DAB1: variants seen among roughly 807,000 people sequenced by gnomAD.
DAB1 encodes the protein disabled homolog 1.
A neutral mutation model predicts 64.6 loss-of-function variants in DAB1; 15 were observed. The observed-to-expected ratio is 0.23, with a 90% CI of 0.16 to 0.36. DAB1 has a LOEUF of 0.36. Ranked by LOEUF, DAB1 falls within the 10% of genes least tolerant of loss-of-function variation. The pLI is 1.00. For missense variants in DAB1, 596 were observed against 706.7 expected, an observed-to-expected ratio of 0.84 and a Z score of 1.78; for synonymous variants, 235 against 251.9, an observed-to-expected ratio of 0.93 and a Z score of 0.64.
intron 7 of DAB1, among the ~76,000 whole-genome samples, chr1:57,468,834 C>T (rs904316095): frequency 1.3e-5 from 2 of 152,178 alleles, no homozygotes; most frequent in African/African-American, 4.8e-5. Context: ...AATTCACTTA[C>T]TCATGCATTC....
At chr1:57,838,043 C>A (rs1250100626) in intron 1 of DAB1, among the ~76,000 whole-genome samples, 1 of 152,020 alleles carries the variant, frequency 6.6e-6, no homozygotes, top group African/African-American at 2.4e-5. Context: ...AGGCACTCTG[C>A]TAAGCCTCTC....
intron 3 of DAB1, among the ~76,000 whole-genome samples, chr1:58,411,882 A>T (rs2100572645): frequency 6.6e-6 from 1 of 152,294 alleles, no homozygotes; most frequent in South Asian, 2.1e-4. Context: ...CCACCAAGGA[A>T]CGTTTCCTAC....
intron 5 of DAB1, among the ~76,000 whole-genome samples, chr1:57,922,874 G>C (rs1178300040): frequency 2.5e-5 from 3 of 121,700 alleles, no homozygotes; most frequent in Non-Finnish European, 3.5e-5. Context: ...AAAAAGATTT[G>C]AAAAGTTTTA....
chr1:57,800,904 T>C (rs1651095047), intron 6 of DAB1, among the ~76,000 whole-genome samples: 2 of 152,192 alleles, frequency 1.3e-5, no homozygotes, highest in African/African-American at 4.8e-5. Context: ...ATTTTATGGA[T>C]TCATTCATTT....
At chr1:57,780,772 G>A (rs1438928776) in intron 6 of DAB1, among the ~76,000 whole-genome samples, 1 of 98,656 alleles carries the variant, frequency 1.0e-5, no homozygotes, top group African/African-American at 4.2e-5. Context: ...TTTTTTTTTT[G>A]AGACAGAGTC....
chr1:57,882,914 T>A (rs1644166796), intron 1 of DAB1, among the ~76,000 whole-genome samples: 1 of 152,170 alleles, frequency 6.6e-6, no homozygotes, highest in Admixed American at 6.5e-5. Flanking sequence ...CGAACCCAGT[T>A]TTTTTGTCCA....
chr1:58,167,216 G>C (rs1325697723), intron 4 of DAB1, among the ~76,000 whole-genome samples: 1 of 152,216 alleles, frequency 6.6e-6, no homozygotes, highest in Non-Finnish European at 1.5e-5. Flanking sequence ...AAACTTTTGT[G>C]TCTAGCTAAA....
chr1:57,309,522 T>A (rs1674491215), intron 1 of DAB1, among the ~76,000 whole-genome samples: 1 of 152,182 alleles, frequency 6.6e-6, no homozygotes, highest in Non-Finnish European at 1.5e-5. Context: ...TAACATAATT[T>A]ACCAAAACTC....
rs898841531 is a variant in DAB1, at chr1:57,288,934, A to C, written c.67+2030T>G. ...GAGCCTTTGAAGTCTGTAATATTAT[A>C]TACCCATTTTATAAGAGAGGAAAAT... is the stretch of plus-strand genomic sequence containing the variant. On this transcript the variant is annotated intron_variant, in intron 2 of 14. Transcript: ENST00000371236. 9.2e-5 allele frequency among the ~76,000 whole-genome samples: 14 copies of C among 152,326 alleles called. No homozygotes were observed. In the East Asian group the frequency reaches 2.7e-3, roughly 29 times the overall value.
chr1:57,584,208 C>T (rs531761229), intron 7 of DAB1, among the ~76,000 whole-genome samples: 3 of 152,292 alleles, frequency 2.0e-5, no homozygotes, highest in South Asian at 2.1e-4. Context: ...ACCTCACTTA[C>T]GATTTCTATA....
intron 1 of DAB1, among the ~76,000 whole-genome samples, chr1:57,420,704 T>C (rs568865715): frequency 6.6e-6 from 1 of 152,338 alleles, no homozygotes; most frequent in South Asian, 2.1e-4. Flanking sequence ...CCCAATCATA[T>C]GATTTTCTCC....
intron 3 of DAB1, among the ~76,000 whole-genome samples, chr1:58,442,246 C>A (rs1410540595): frequency 3.9e-5 from 6 of 152,186 alleles, no homozygotes; most frequent in Non-Finnish European, 8.8e-5. Context: ...TCAGGAAACT[C>A]AACTTGGTCA....
chr1:57,730,152 A>T (rs1461216422), intron 6 of DAB1, among the ~76,000 whole-genome samples: 1 of 152,240 alleles, frequency 6.6e-6, no homozygotes, highest in African/African-American at 2.4e-5. Context: ...TCTGAGTTTC[A>T]GACAATGCTT....
intron 1 of DAB1, among the ~76,000 whole-genome samples, chr1:57,362,675 A>G (rs562678659): frequency 7.8e-4 from 118 of 152,026 alleles, no homozygotes; most frequent in Non-Finnish European, 1.3e-3. Context: ...CTATCTTTAA[A>G]CTACACAGCA....
At chr1:57,194,610 C>G (rs72672686) in intron 2 of DAB1, among the ~76,000 whole-genome samples, 9,733 of 152,220 alleles carry the variant, frequency 0.064, 434 homozygotes, top group Non-Finnish European at 0.094. Flanking sequence ...TCCATTAACA[C>G]CTGAGGTGTA....
At chr1:57,235,810 A>T (rs966031470) in intron 2 of DAB1, among the ~76,000 whole-genome samples, 4 of 152,182 alleles carry the variant, frequency 2.6e-5, no homozygotes, top group Admixed American at 6.5e-5. Flanking sequence ...TCTCCTTAAC[A>T]TTAAACTTGA....
chr1:58,033,845 C>T (rs150923536), intron 5 of DAB1, among the ~76,000 whole-genome samples: 1 of 152,226 alleles, frequency 6.6e-6, no homozygotes, highest in Non-Finnish European at 1.5e-5. Flanking sequence ...CTAAATTGCA[C>T]CTATTCCAGT....
chr1:58,199,256 G>A (rs757603936), intron 4 of DAB1, among the ~76,000 whole-genome samples: 24 of 152,282 alleles, frequency 1.6e-4, no homozygotes, highest in Non-Finnish European at 3.1e-4. Flanking sequence ...GTCCTGGCTG[G>A]CTATTTAGTT....
intron 1 of DAB1, among the ~76,000 whole-genome samples, chr1:57,292,542 C>T (rs953827298): frequency 1.3e-5 from 2 of 152,192 alleles, no homozygotes; most frequent in Admixed American, 6.6e-5. Context: ...CCAGCACCCA[C>T]ACCCTTTCCA....
Sources: gnomAD v4.1 joint callset for allele counts (sites outside exome capture counted in the v4.1 genomes callset) on GRCh38, gnomAD v4.1.1 for gene constraint, MANE v1.5 for transcripts, NCBI Gene and HGNC (gene_info 2026-07-23, HGNC 2026-07-21) for gene names.